The following ZFHX3 variants were observed in gnomAD, a reference collection of about 807,000 sequenced individuals.
The protein encoded by ZFHX3 is zinc finger homeobox protein 3.
ZFHX3 carries 42 observed loss-of-function variants against 279.1 expected under a neutral mutation model. The observed-to-expected ratio is 0.15, with a 90% CI of 0.12 to 0.19. ZFHX3 has a LOEUF of 0.19. Ranked by LOEUF, ZFHX3 falls within the 10% of genes least tolerant of loss-of-function variation. The pLI is 1.00. For synonymous variants in ZFHX3, 2,293 were observed against 1,957.8 expected, an observed-to-expected ratio of 1.17 and a Z score of -4.52; for missense variants, 4,981 against 4,754.0, an observed-to-expected ratio of 1.05 and a Z score of -1.40.
At chr16:73,282,667 T>A (rs1406974223) in intron 4 of ZFHX3, among the ~76,000 whole-genome samples, 1 of 152,246 alleles carries the variant, frequency 6.6e-6, no homozygotes, top group Non-Finnish European at 1.5e-5. Flanking sequence ...CTATTCTAAT[T>A]TATCTATCAG....
At chr16:72,850,879 C>T (rs1387397010) in intron 4 of ZFHX3, among the ~76,000 whole-genome samples, 1 of 151,794 alleles carries the variant, frequency 6.6e-6, no homozygotes, top group African/African-American at 2.4e-5. Context: ...CAAGCAGGAA[C>T]ATTTGACTCA....
At chr16:73,364,194 TTAAG>T (rs1471480178) in intron 3 of ZFHX3, among the ~76,000 whole-genome samples, 2 of 151,494 alleles carry the variant, frequency 1.3e-5, no homozygotes, top group African/African-American at 2.4e-5. Context: ...AAAAAGAACT[TTAAG>T]TAGGAACAAG....
intron 1 of ZFHX3, among the ~76,000 whole-genome samples, chr16:73,821,673 T>C (rs1226454718): frequency 1.3e-5 from 2 of 152,222 alleles, no homozygotes; most frequent in Non-Finnish European, 2.9e-5. Flanking sequence ...GGAAGCTAGA[T>C]TGTGAAGTTT....
rs183277661 is a variant in ZFHX3, at chr16:73,147,239, C to T, written c.-1103-3408G>A. ...TTGTTAAAGGGGATCATGCCATCCA[C>T]CCAACACAGGTACAACGGGGATGAA... On this transcript the variant is annotated intron_variant, in intron 5 of 17. Coordinates refer to the ZFHX3 transcript ENST00000641206. 3.9e-5 allele frequency among the ~76,000 whole-genome samples: 6 copies of T among 152,242 alleles called. No homozygotes were observed. In the East Asian group the frequency reaches 9.7e-4, roughly 25 times the overall value.
chr16:73,009,929 G>A (rs1000514820), intron 1 of ZFHX3, among the ~76,000 whole-genome samples: 5 of 149,684 alleles, frequency 3.3e-5, no homozygotes, highest in African/African-American at 1.2e-4. Flanking sequence ...GCTGAGGCAG[G>A]AGAATCATTT....
intron 5 of ZFHX3, among the ~76,000 whole-genome samples, chr16:73,192,589 A>G (rs1393848044): frequency 6.6e-6 from 1 of 152,202 alleles, no homozygotes; most frequent in East Asian, 1.9e-4. Context: ...TAATCACAGA[A>G]TCACAGGCCT....
chr16:72,887,281 G>A (rs894475064), intron 4 of ZFHX3, among the ~76,000 whole-genome samples: 1 of 152,186 alleles, frequency 6.6e-6, no homozygotes, highest in African/African-American at 2.4e-5. Flanking sequence ...AGCGTTCAGA[G>A]ATTAGGAAAT....
intron 3 of ZFHX3, among the ~76,000 whole-genome samples, chr16:72,904,168 C>T (rs1480918530): frequency 1.3e-5 from 2 of 152,040 alleles, no homozygotes; most frequent in Non-Finnish European, 2.9e-5. Flanking sequence ...AAGTTAGAGA[C>T]CAGCTTGGCC....
intron 1 of ZFHX3, among the ~76,000 whole-genome samples, chr16:73,733,531 TG>T (rs2053585947): frequency 6.6e-6 from 1 of 152,202 alleles, no homozygotes; most frequent in Admixed American, 6.5e-5. Flanking sequence ...AATTAATTTT[TG>T]AAAAAAGACT....
intron 5 of ZFHX3, among the ~76,000 whole-genome samples, chr16:73,224,231 T>C (rs1333419506): frequency 6.6e-6 from 1 of 152,206 alleles, no homozygotes; most frequent in Non-Finnish European, 1.5e-5. Flanking sequence ...AAATGTGTCC[T>C]TCTGGTCGTG....
At chr16:73,531,917 T>C (rs954445658) in intron 2 of ZFHX3, among the ~76,000 whole-genome samples, 2 of 151,832 alleles carry the variant, frequency 1.3e-5, no homozygotes, top group East Asian at 3.9e-4. Context: ...AGTGAGACCC[T>C]GCTTCTATAA....
At chr16:72,809,714 C>T (rs1388155165) in intron 7 of ZFHX3, 1 of 152,158 alleles carries the variant, frequency 6.6e-6, no homozygotes, top group African/African-American at 2.4e-5. Context: ...GGTGATATGT[C>T]TGTGACCTGC....
intron 1 of ZFHX3, among the ~76,000 whole-genome samples, chr16:73,744,322 C>T (rs1449637986): frequency 1.3e-5 from 2 of 152,216 alleles, no homozygotes; most frequent in African/African-American, 4.8e-5. Flanking sequence ...TCAATGACTA[C>T]AGGTGACACC....
chr16:73,596,356 A>G (rs2052050247), intron 2 of ZFHX3, among the ~76,000 whole-genome samples: 1 of 151,558 alleles, frequency 6.6e-6, no homozygotes, highest in Non-Finnish European at 1.5e-5. Context: ...TTTGCATAAG[A>G]CTCCACATGG....
intron 1 of ZFHX3, among the ~76,000 whole-genome samples, chr16:73,700,875 A>G (rs1427752293): frequency 6.6e-6 from 1 of 152,208 alleles, no homozygotes; most frequent in Non-Finnish European, 1.5e-5. Flanking sequence ...TCCTCAAAAC[A>G]CCAGCTGAAT....
chr16:73,351,782 C>G (rs531310710), intron 3 of ZFHX3, among the ~76,000 whole-genome samples: 1 of 151,426 alleles, frequency 6.6e-6, no homozygotes, highest in Non-Finnish European at 1.5e-5. Flanking sequence ...CTCCAGCCTT[C>G]CAGGGGGGCA....
chr16:73,476,793 T>TA (rs1342687255), intron 2 of ZFHX3, among the ~76,000 whole-genome samples: 5 of 152,330 alleles, frequency 3.3e-5, no homozygotes, highest in African/African-American at 9.6e-5. Context: ...ACAAGTTCAT[T>TA]AAAAAATGGA....
At chr16:73,353,708 T>G (rs1299159559) in intron 3 of ZFHX3, among the ~76,000 whole-genome samples, 3 of 151,978 alleles carry the variant, frequency 2.0e-5, no homozygotes, top group African/African-American at 7.3e-5. Flanking sequence ...GCTGTTAGTA[T>G]AGACCCAGTG....
intron 1 of ZFHX3, among the ~76,000 whole-genome samples, chr16:73,007,612 G>GC: frequency 6.6e-6 from 1 of 151,974 alleles, no homozygotes; most frequent in South Asian, 2.1e-4. Flanking sequence ...GCACCCGGCT[G>GC]ATTTTTTGTA....
Sources: gnomAD v4.1 joint callset for allele counts (sites outside exome capture counted in the v4.1 genomes callset) on GRCh38, gnomAD v4.1.1 for gene constraint, MANE v1.5 for transcripts, NCBI Gene and HGNC (gene_info 2026-07-23, HGNC 2026-07-21) for gene names.